The following KDM4C variants were observed in gnomAD, a reference collection of about 807,000 sequenced individuals.
KDM4C encodes the protein lysine demethylase 4C.
KDM4C carries 81 observed loss-of-function variants against 129.3 expected under a neutral mutation model. The observed-to-expected ratio is 0.63, with a 90% CI of 0.52 to 0.75. The LOEUF (loss-of-function observed/expected upper bound fraction) is 0.75, where lower values mean the gene tolerates loss of function less well. Among genes scored for constraint, KDM4C ranks in the 30% least tolerant of loss-of-function variants. The pLI, the probability that KDM4C is intolerant of heterozygous loss-of-function variation, is 0.00. For missense variants in KDM4C, 1,457 were observed against 1,304.0 expected (o/e 1.12, Z -1.81); for synonymous variants, 573 against 456.1 (o/e 1.26, Z -3.26).
At chr9:6,755,254 C>T (rs1402772561), upstream of KDM4C, among the ~76,000 whole-genome samples, 1 of 152,150 alleles carries the variant, frequency 6.6e-6, no homozygotes, top group Non-Finnish European at 1.5e-5. Flanking sequence ...GCCTGTAGTC[C>T]CAGCTACTTG....
intron 5 of KDM4C, among the ~76,000 whole-genome samples, chr9:6,865,681 C>T (rs1841819215): frequency 6.6e-6 from 1 of 152,192 alleles, no homozygotes; most frequent in African/African-American, 2.4e-5. Context: ...ATTCTGCTGC[C>T]TCAGCCCTCC....
At position 7,085,385 on chromosome 9, in the gene KDM4C, G is replaced by A. The variant is rs1032385171; in HGVS notation, c.2425-18300G>A. On this transcript the variant is annotated intron_variant, in intron 17 of 21. Coordinates refer to ENST00000381309, the MANE Select transcript of KDM4C (RefSeq NM_015061.6). ...CCTTGTTTCAAAGAGCCAGTGTGCTGTGCCAAAAGTTGTTTCTAATAAAAT... is the reference window on the plus strand; with the variant it reads ...CCTTGTTTCAAAGAGCCAGTGTGCTATGCCAAAAGTTGTTTCTAATAAAAT... 2.6e-5 allele frequency among the ~76,000 whole-genome samples: 4 copies of A among 152,162 alleles called. No homozygotes were observed. In the South Asian group the frequency reaches 8.3e-4, roughly 31 times the overall value.
chr9:6,983,576 A>ACACACACC (rs1441774055), intron 9 of KDM4C, among the ~76,000 whole-genome samples: 14 of 29,092 alleles, frequency 4.8e-4, no homozygotes, highest in African/African-American at 1.3e-3. Context: ...TCTTTATGAC[A>ACACACACC]CACACACACA....
At position 7,167,575 on chromosome 9, in the gene KDM4C, C is replaced by T. The variant is rs7861475; in HGVS notation, c.2901+2218C>T. On this transcript the variant is annotated intron_variant, in intron 20 of 21. Coordinates refer to ENST00000381309, the MANE Select transcript of KDM4C (RefSeq NM_015061.6). ...GAAAACCCTTCCCATTGTTAGCCCTCCCGGAAGTGACAGCAAGGGTTCTCA... is the reference window on the plus strand; with the variant it reads ...GAAAACCCTTCCCATTGTTAGCCCTTCCGGAAGTGACAGCAAGGGTTCTCA... Among the ~76,000 whole-genome samples, 131 of 152,304 alleles carry T rather than the reference C, an allele frequency of 8.6e-4. 1 individual carries two copies. The highest frequency in any genetic ancestry group is 2.6e-3 in the African/African-American group (110 of 41,568).
chr9:7,050,335 A>G (rs1829965673), intron 17 of KDM4C, among the ~76,000 whole-genome samples: 1 of 150,854 alleles, frequency 6.6e-6, no homozygotes, highest in Non-Finnish European at 1.5e-5. Context: ...GGCCATTTAA[A>G]TGGCCCTCTA....
intron 2 of KDM4C, among the ~76,000 whole-genome samples, chr9:6,797,389 A>T (rs1292293321): frequency 1.3e-5 from 2 of 152,198 alleles, no homozygotes; most frequent in African/African-American, 2.4e-5. Context: ...TTCAGATGAC[A>T]GTCTGTCTTG....
chr9:6,982,790 G>A (rs899526993), intron 9 of KDM4C: 2 of 152,158 alleles, frequency 1.3e-5, no homozygotes, highest in South Asian at 4.1e-4. Flanking sequence ...GGGCCTTTTG[G>A]GTTGATAGAG....
rs60954996 is a variant in KDM4C at position 6,760,445 on chromosome 9, GTA to G, written c.-18+2261_-18+2262del. ...GGACGCGTGTTTTCTCTACTCTTGGGTATATATATATATATATATAATGTAAT... is the reference window on the plus strand; with the variant it reads ...GGACGCGTGTTTTCTCTACTCTTGGGTATATATATATATATATAATGTAAT... On this transcript the variant is annotated intron_variant, in intron 1 of 21. Coordinates refer to ENST00000381309, the MANE Select transcript of KDM4C (RefSeq NM_015061.6). Among the ~76,000 whole-genome samples the G allele has an allele frequency of 1.8e-3, 250 of 142,376 alleles. 1 individual carries two copies. The highest frequency in any genetic ancestry group is 2.9e-3 in the African/African-American group (113 of 38,514). The allele number at this position is 142,376 out of a possible 152,430, so 93.4% of individuals were successfully genotyped here.
At chr9:6,757,878 C>T, upstream of KDM4C, 2 of 985,572 alleles carry the variant, frequency 2.0e-6, no homozygotes, top group Non-Finnish European at 2.4e-6. Context: ...AAAGCAAGAG[C>T]GTGCCGGGCA....
rs114270297 is a variant in KDM4C at position 6,911,478 on chromosome 9, C to T, written c.921+18246C>T. ...AATGATTTTGATGAATTACATATCC[C>T]GATTAAGAAAATAAGCTAGTACATT... is the stretch of plus-strand genomic sequence containing the variant. On this transcript the variant is annotated intron_variant, in intron 8 of 21. Coordinates refer to ENST00000381309, the MANE Select transcript of KDM4C (RefSeq NM_015061.6). Among the ~76,000 whole-genome samples, 914 of 152,168 alleles carry T rather than the reference C, an allele frequency of 6.0e-3. 12 individuals are homozygous for T. Among genetic ancestry groups the T allele is most frequent in the African/African-American group, 0.021 (876 of 41,518 alleles).
intron 1 of KDM4C, among the ~76,000 whole-genome samples, chr9:6,790,911 A>C (rs1035382255): frequency 6.6e-6 from 1 of 152,100 alleles, no homozygotes; most frequent in Non-Finnish European, 1.5e-5. Flanking sequence ...TTTCATAGTA[A>C]AACCTGCCTA....
chr9:7,026,132 G>T, intron 15 of KDM4C, among the ~76,000 whole-genome samples: 1 of 151,780 alleles, frequency 6.6e-6, no homozygotes, highest in East Asian at 1.9e-4. Context: ...TTGAACCCGG[G>T]AGACGAAGGT....
chr9:6,865,446 A>T (rs900301031), intron 5 of KDM4C, among the ~76,000 whole-genome samples: 1 of 152,192 alleles, frequency 6.6e-6, no homozygotes, highest in Non-Finnish European at 1.5e-5. Context: ...AGTCAGTCAC[A>T]GGTTTCTTGC....
intron 17 of KDM4C, among the ~76,000 whole-genome samples, chr9:7,056,157 T>G (rs3087995): frequency 0.11 from 16,402 of 152,200 alleles, 1,586 homozygotes; most frequent in African/African-American, 0.26. Context: ...AAAAAGTGCT[T>G]TGAATAGTGA....
intron 8 of KDM4C, among the ~76,000 whole-genome samples, chr9:6,905,362 A>G (rs1199647405): frequency 6.6e-6 from 1 of 152,040 alleles, no homozygotes; most frequent in Non-Finnish European, 1.5e-5. Flanking sequence ...CCTCAAACTG[A>G]CTCTACCAAG....
chr9:7,028,867 T>G (rs961682853), intron 15 of KDM4C, among the ~76,000 whole-genome samples: 3 of 152,116 alleles, frequency 2.0e-5, no homozygotes, highest in African/African-American at 7.2e-5. Flanking sequence ...GTGCATTCTC[T>G]TACAATTTCT....
At position 6,858,647 on chromosome 9, in the gene KDM4C, C is replaced by T. The variant is rs376321686; in HGVS notation, c.629+8947C>T. 2.1e-3 allele frequency among the ~76,000 whole-genome samples: 315 copies of T among 152,180 alleles called. 1 individual carries two copies. The highest frequency in any genetic ancestry group is 2.3e-3 in the Non-Finnish European group (158 of 68,016). The stretch of plus-strand genomic sequence containing the variant: ...AGTTAGCCGGGTGTGGTGACGTGCG[C>T]CTGTAATCCCAGCTACTCAAGAGGC... On this transcript the variant is annotated intron_variant, in intron 5 of 21. Transcript: ENST00000381309.
chr9:7,047,580 C>T (rs769603423), intron 16 of KDM4C, among the ~76,000 whole-genome samples: 3 of 151,530 alleles, frequency 2.0e-5, no homozygotes, highest in South Asian at 2.1e-4. Flanking sequence ...TTACAGGGTC[C>T]GCTGGAATAG....
chr9:6,804,929 C>G (rs1207717135), intron 2 of KDM4C, among the ~76,000 whole-genome samples: 1 of 151,750 alleles, frequency 6.6e-6, no homozygotes, highest in Non-Finnish European at 1.5e-5. Context: ...GAGACAGAGT[C>G]TCACTCTGTC....
Sources: allele counts gnomAD v4.1 joint callset (sites outside exome capture counted in the v4.1 genomes callset), GRCh38; gene constraint gnomAD v4.1.1; transcripts MANE v1.5; gene names NCBI Gene and HGNC (gene_info 2026-07-23, HGNC 2026-07-21).